The following PLA2G4C variants were observed in gnomAD, a reference collection of about 807,000 sequenced individuals.
The protein encoded by PLA2G4C is phospholipase A2 group IVC.
In PLA2G4C, 64 loss-of-function variants were observed where a neutral mutation model predicts 73.8. The ratio of observed to expected loss-of-function variants is 0.87; its 90% CI spans 0.71 to 1.07. The LOEUF (loss-of-function observed/expected upper bound fraction) is 1.07, where lower values mean the gene tolerates loss of function less well. Among genes scored for constraint, PLA2G4C ranks in the 50% least tolerant of loss-of-function variants. The probability of loss-of-function intolerance (pLI) is 0.00; values close to 1 mark genes in which losing one functional copy is unlikely to be tolerated. For synonymous variants in PLA2G4C, 254 were observed against 252.1 expected, an observed-to-expected ratio of 1.01 and a Z score of -0.07; for missense variants, 622 against 665.4, an observed-to-expected ratio of 0.93 and a Z score of 0.72.
intron 14 of PLA2G4C, among the ~76,000 whole-genome samples, chr19:48,058,157 G>A (rs1051594183): frequency 6.6e-6 from 1 of 151,970 alleles, no homozygotes; most frequent in Non-Finnish European, 1.5e-5. Flanking sequence ...AAATTAGCTG[G>A]GTGTGGTGGC....
At chr19:48,095,378 T>A (rs1040444902) in intron 7 of PLA2G4C, 86 bp downstream of exon 7, 1 of 1,281,198 alleles carries the variant, frequency 7.8e-7, no homozygotes, top group Admixed American at 2.0e-5. Context: ...ATTTAAGAGC[T>A]GGGCAAACTA....
intron 10 of PLA2G4C, among the ~76,000 whole-genome samples, chr19:48,083,695 C>A (rs1485704825): frequency 2.0e-5 from 3 of 152,022 alleles, no homozygotes; most frequent in Admixed American, 6.6e-5. Flanking sequence ...GATCTGCCCA[C>A]CTCAGCCTCC....
At chr19:48,068,749 A>G (rs909219897) in intron 12 of PLA2G4C, among the ~76,000 whole-genome samples, 41 of 150,678 alleles carry the variant, frequency 2.7e-4, no homozygotes, top group South Asian at 1.1e-3. Context: ...AAAAAAAAAG[A>G]AAAAAAGGAA....
intron 9 of PLA2G4C, among the ~76,000 whole-genome samples, 178 bp from the exon 10 acceptor site, chr19:48,085,290 G>A (rs2030908024): frequency 6.6e-6 from 1 of 152,178 alleles, no homozygotes; most frequent in Admixed American, 6.5e-5. Context: ...GCACTCTTCT[G>A]ACTGTTGGAA....
Position 48,085,035 on chromosome 19 carries a change from CCTTT to C in PLA2G4C, c.844+20_844+23del, listed in dbSNP as rs1568441329. On this transcript the variant is annotated intron_variant, in intron 10 of 16. Transcript: ENST00000599921. ...TGCATAAAATATCTCTAGGCTTTGA[CCTTT>C]CTGTTCCCCAAATACTCACCAAAAA... 18 of 1,561,520 alleles carry C rather than the reference CCTTT, an allele frequency of 1.2e-5. No homozygotes were observed. Among genetic ancestry groups the C allele is most frequent in the Non-Finnish European group, 1.5e-5 (17 of 1,132,290 alleles).
At chr19:48,080,993 C>CAAAAAAA (rs34388817) in intron 10 of PLA2G4C, among the ~76,000 whole-genome samples, 164 of 102,734 alleles carry the variant, frequency 1.6e-3, no homozygotes, top group Middle Eastern at 6.5e-3. Context: ...ACTAAAAATA[C>CAAAAAAA]AAAAAAAAAA....
chr19:48,085,135 A>G, intron 9 of PLA2G4C, 23 bp from the exon 10 acceptor site: 2 of 1,562,040 alleles, frequency 1.3e-6, no homozygotes, highest in Middle Eastern at 1.7e-4. Flanking sequence ...TAGCAATAAA[A>G]TTCAAACATT....
At chr19:48,106,391 C>T (rs1481518472) in intron 2 of PLA2G4C, 131 bp downstream of exon 2, 2 of 762,554 alleles carry the variant, frequency 2.6e-6, no homozygotes, top group East Asian at 2.6e-5. Flanking sequence ...CCATGCCCAA[C>T]CTTCAGCTCT....
At chr19:48,074,692 G>A (rs1038038706) in intron 12 of PLA2G4C, 75 bp downstream of exon 12, 6 of 973,480 alleles carry the variant, frequency 6.2e-6, no homozygotes, top group Non-Finnish European at 1.0e-5. Flanking sequence ...GCCCACAGGG[G>A]TGGGGAAGAG....
At position 48,095,566 on chromosome 19, in the gene PLA2G4C, A is replaced by G. The variant is rs156631; in HGVS notation, c.607T>C (p.Ser203Pro). 672,840 of 1,613,406 alleles carry G rather than the reference A, an allele frequency of 0.42. 151,354 individuals are homozygous for G. The highest frequency in any genetic ancestry group is 0.88 in the East Asian group (39,578 of 44,870). The change falls in exon 7 of 17, where the codon TCT becomes CCT. Residue 203 changes from serine to proline, a missense_variant. Physicochemically the swap from Ser to Pro is moderately conservative, Grantham distance 74 (BLOSUM62 -1). Transcript: ENST00000599921. ...FEFTPHHAGFSALGAFVSITH... is the reference protein window; with the variant it reads ...FEFTPHHAGFPALGAFVSITH... ...ATGGAAACAAAGGCCCCCAGTGCAG[A>G]GAAGCCAGCGTGGTGAGGGGTGAAC...
chr19:48,070,868 A>G (rs1353478702), intron 12 of PLA2G4C, among the ~76,000 whole-genome samples: 1 of 152,202 alleles, frequency 6.6e-6, no homozygotes, highest in Non-Finnish European at 1.5e-5. Context: ...ACAAACCTGC[A>G]TGTCCTGCAC....
At chr19:48,091,063 G>A (rs1051409381) in intron 7 of PLA2G4C, among the ~76,000 whole-genome samples, 15 of 152,174 alleles carry the variant, frequency 9.9e-5, no homozygotes, top group African/African-American at 3.6e-4. Flanking sequence ...CCGTGGTGTG[G>A]AGGAGTTCAG....
At chr19:48,084,684 C>G (rs1242493460) in intron 10 of PLA2G4C, among the ~76,000 whole-genome samples, 1 of 152,208 alleles carries the variant, frequency 6.6e-6, no homozygotes, top group East Asian at 1.9e-4. Context: ...TACTGAGTGC[C>G]TTTATCTACC....
At chr19:48,099,572 G>A in intron 5 of PLA2G4C, 99 bp downstream of exon 5, 2 of 779,120 alleles carry the variant, frequency 2.6e-6, no homozygotes, top group East Asian at 2.6e-5. Flanking sequence ...AATCCTGAAG[G>A]ACTTAAAAGG....
intron 4 of PLA2G4C, chr19:48,104,000 C>T: frequency 6.6e-6 from 1 of 152,408 alleles, no homozygotes; most frequent in Non-Finnish European, 1.5e-5. Flanking sequence ...GCCTCCCAGG[C>T]TAAAGCAATC....
chr19:48,071,853 T>A (rs1968672167), intron 12 of PLA2G4C, among the ~76,000 whole-genome samples: 1 of 152,008 alleles, frequency 6.6e-6, no homozygotes, highest in African/African-American at 2.4e-5. Flanking sequence ...TATCTTATAG[T>A]AAGTTAAGAA....
chr19:48,052,860 G>T, intron 16 of PLA2G4C, 137 bp downstream of exon 16: 1 of 849,510 alleles, frequency 1.2e-6, no homozygotes, highest in Admixed American at 2.6e-5. Flanking sequence ...CCCCTGCTGA[G>T]ACGCAAGCTC....
intron 16 of PLA2G4C, among the ~76,000 whole-genome samples, chr19:48,048,865 G>A (rs1276247077): frequency 6.6e-6 from 1 of 152,230 alleles, no homozygotes; most frequent in Non-Finnish European, 1.5e-5. Flanking sequence ...TGGAGGTGGG[G>A]CCCAGAGGGA....
chr19:48,050,209 C>T (rs899389417), intron 16 of PLA2G4C, among the ~76,000 whole-genome samples: 8 of 152,076 alleles, frequency 5.3e-5, no homozygotes, highest in African/African-American at 1.9e-4. Context: ...TGTGAACCAC[C>T]ATGCCCGGCC....
Sources: gnomAD v4.1 joint callset for allele counts (sites outside exome capture counted in the v4.1 genomes callset) on GRCh38, gnomAD v4.1.1 for gene constraint, MANE v1.5 for transcripts, NCBI Gene and HGNC (gene_info 2026-07-23, HGNC 2026-07-21) for gene names.